CHN1: variants seen among roughly 807,000 people sequenced by gnomAD.
CHN1 encodes chimerin 1.
A neutral mutation model predicts 59.5 loss-of-function variants in CHN1; 37 were observed. The observed-to-expected ratio is 0.62, with a 90% CI of 0.48 to 0.82. The LOEUF is 0.82. CHN1 is among the 40% of genes least tolerant of loss of function. The pLI, the probability that CHN1 is intolerant of heterozygous loss-of-function variation, is 0.00. For missense variants in CHN1, 469 were observed against 571.0 expected (o/e 0.82, Z 1.82); for synonymous variants, 206 against 200.4 (o/e 1.03, Z -0.24).
intron 1 of CHN1, among the ~76,000 whole-genome samples, chr2:175,000,744 T>TTTA (rs372337918): frequency 6.6e-6 from 1 of 151,980 alleles, no homozygotes; most frequent in Non-Finnish European, 1.5e-5. Flanking sequence ...GCACCCAGGC[T>TTTA]TTATTATTAT....
chr2:174,887,807 A>G (rs1687935224), intron 5 of CHN1, among the ~76,000 whole-genome samples: 1 of 152,222 alleles, frequency 6.6e-6, no homozygotes, highest in Non-Finnish European at 1.5e-5. Context: ...GCAGTTTCCT[A>G]TTTATGCAAA....
intron 1 of CHN1, among the ~76,000 whole-genome samples, chr2:174,958,531 T>C (rs1447109828): frequency 6.6e-6 from 1 of 152,172 alleles, no homozygotes; most frequent in Non-Finnish European, 1.5e-5. Context: ...TCATTCTGAC[T>C]TTGGAGAAGG....
At chr2:174,915,640 G>C (rs1688825224) in intron 4 of CHN1, among the ~76,000 whole-genome samples, 1 of 152,128 alleles carries the variant, frequency 6.6e-6, no homozygotes, top group Admixed American at 6.5e-5. Context: ...TAATTGGCAT[G>C]ATTGCCCAAT....
chr2:174,914,643 G>C (rs914412652), intron 5 of CHN1, among the ~76,000 whole-genome samples: 1 of 151,976 alleles, frequency 6.6e-6, no homozygotes, highest in Non-Finnish European at 1.5e-5. Context: ...AAGAGATCGA[G>C]ACCATCCTGG....
At chr2:174,867,043 C>T (rs1687238316) in intron 6 of CHN1, among the ~76,000 whole-genome samples, 1 of 148,768 alleles carries the variant, frequency 6.7e-6, no homozygotes, top group Non-Finnish European at 1.5e-5. Flanking sequence ...GTTAAAATGA[C>T]AACTTTTTTT....
chr2:174,927,567 GTTATTTCTTTTTTTTATTCCTGA>G (rs1689213541), intron 3 of CHN1, among the ~76,000 whole-genome samples: 1 of 151,916 alleles, frequency 6.6e-6, no homozygotes, highest in South Asian at 2.1e-4. Flanking sequence ...CCCCAACAAT[GTTATTTCTTTTTTTTATTCCTGA>G]TTATTTCTTT....
chr2:174,824,092 A>C (rs953363857), intron 8 of CHN1, among the ~76,000 whole-genome samples: 1 of 152,232 alleles, frequency 6.6e-6, no homozygotes, highest in Non-Finnish European at 1.5e-5. Flanking sequence ...CTTTAAAAAA[A>C]TCATTTTTAT....
intron 7 of CHN1, among the ~76,000 whole-genome samples, 180 bp from the exon 8 acceptor site, chr2:174,824,698 G>A (rs1375341967): frequency 1.3e-5 from 2 of 151,900 alleles, no homozygotes; most frequent in African/African-American, 4.8e-5. Flanking sequence ...ACAGCTCACT[G>A]AGGCCTCCCT....
chr2:174,958,564 A>C (rs1320413058), intron 1 of CHN1, among the ~76,000 whole-genome samples: 1 of 152,216 alleles, frequency 6.6e-6, no homozygotes, highest in Admixed American at 6.5e-5. Context: ...GCTAATTCTC[A>C]AAGTCCTTAC....
intron 6 of CHN1, among the ~76,000 whole-genome samples, chr2:174,853,276 T>A (rs979402945): frequency 8.6e-5 from 13 of 152,042 alleles, no homozygotes; most frequent in Admixed American, 7.2e-4. Context: ...CAATAAAAAA[T>A]GGGCAAAGGA....
intron 8 of CHN1, among the ~76,000 whole-genome samples, chr2:174,822,836 CACTCTGAGCTTCG>C (rs1379695344): frequency 2.0e-5 from 3 of 152,362 alleles, no homozygotes; most frequent in South Asian, 2.1e-4. Flanking sequence ...TTTCCTCATT[CACTCTGAGCTTCG>C]ACTCTGAGCT....
chr2:174,899,556 TGGCTACACAAGC>T (rs1241649269), intron 5 of CHN1, among the ~76,000 whole-genome samples: 5 of 152,238 alleles, frequency 3.3e-5, no homozygotes, highest in African/African-American at 7.2e-5. Context: ...ACCTTTTAAA[TGGCTACACAAGC>T]ATCTATATAA....
intron 1 of CHN1, among the ~76,000 whole-genome samples, chr2:175,001,492 A>G (rs1023385522): frequency 6.6e-6 from 1 of 152,208 alleles, no homozygotes; most frequent in Non-Finnish European, 1.5e-5. Context: ...TGAGATAATG[A>G]AAAGGTTTCC....
At chr2:174,875,831 G>A (rs951731453) in intron 6 of CHN1, 3 of 985,362 alleles carry the variant, frequency 3.0e-6, no homozygotes, top group African/African-American at 1.7e-5. Flanking sequence ...TCAAGCTGTT[G>A]AACAGGTCAT....
chr2:174,800,131 T>C lies in CHN1; in HGVS notation c.1365A>G (p.Glu455=). The C allele has an allele frequency of 6.4e-7, 1 of 1,574,424 alleles. No individual in the cohort carries two copies. The highest frequency in any genetic ancestry group is 1.4e-5 in the African/African-American group (1 of 73,312). ...AATTAAAAATTTAAAATAAAATGTC[T>C]TCGTTTTTGATAAGCAGCTCCACCA... is the stretch of plus-strand genomic sequence containing the variant. The part of the protein sequence containing the change: ...RLVVELLIKN[E]DILF Residue 455 remains glutamate (E), a synonymous_variant, in exon 13 of 13, where the codon GAA becomes GAG. Coordinates refer to ENST00000409900, the MANE Select transcript of CHN1 (RefSeq NM_001822.7).
chr2:174,895,032 TACACACACACACGCGCGCACACAC>T (rs966015094), intron 5 of CHN1, among the ~76,000 whole-genome samples: 12 of 145,048 alleles, frequency 8.3e-5, no homozygotes, highest in Admixed American at 4.0e-4. Context: ...ACATAGTATA[TACACACACACACGCGCGCACACAC>T]ACACACACAC....
chr2:174,922,126 T>C (rs1689034060), intron 3 of CHN1, among the ~76,000 whole-genome samples: 1 of 152,216 alleles, frequency 6.6e-6, no homozygotes, highest in Non-Finnish European at 1.5e-5. Context: ...ATGGCTATTC[T>C]AGTTTTAGTA....
intron 2 of CHN1, 25 bp downstream of exon 2, chr2:174,952,139 C>T: frequency 7.4e-7 from 1 of 1,356,024 alleles, no homozygotes. Flanking sequence ...AGCACTATAA[C>T]CCACACAATT....
intron 5 of CHN1, among the ~76,000 whole-genome samples, chr2:174,895,845 A>G (rs1160877421): frequency 2.0e-5 from 3 of 152,086 alleles, no homozygotes; most frequent in Non-Finnish European, 2.9e-5. Flanking sequence ...CTCACAAAAA[A>G]CTGTTCACAG....
Sources: gnomAD v4.1 joint callset for allele counts (sites outside exome capture counted in the v4.1 genomes callset) on GRCh38, gnomAD v4.1.1 for gene constraint, MANE v1.5 for transcripts, NCBI Gene and HGNC (gene_info 2026-07-23, HGNC 2026-07-21) for gene names.